The following RASSF3 variants were observed in gnomAD, a reference collection of about 807,000 sequenced individuals.
RASSF3 encodes the protein ras association domain-containing protein 3.
Under a neutral mutation model 19.9 loss-of-function variants are expected in RASSF3, and 19 were observed. That is an observed-to-expected ratio of 0.96 (90% CI 0.67 to 1.40). RASSF3 has a LOEUF of 1.40. Ranked by LOEUF, RASSF3 falls within the 40% of genes most tolerant of loss-of-function variation. The pLI is 0.00. For synonymous variants in RASSF3, 110 were observed against 104.2 expected (o/e 1.06, Z -0.34); for missense variants, 306 against 289.8 (o/e 1.06, Z -0.41).
chr12:64,678,322 G>A (rs748329678), intron 1 of RASSF3, among the ~76,000 whole-genome samples: 17 of 152,212 alleles, frequency 1.1e-4, no homozygotes, highest in Non-Finnish European at 2.1e-4. Flanking sequence ...CAAAAGAGAC[G>A]ATGAGATGAA....
At chr12:64,597,011 C>A in intron 2 of RASSF3, among the ~76,000 whole-genome samples, 1 of 152,188 alleles carries the variant, frequency 6.6e-6, no homozygotes, top group South Asian at 2.1e-4. Context: ...AGGTGATCCA[C>A]CCACTTCGGC....
upstream of RASSF3, chr12:64,609,514 A>G (rs1348168791): frequency 6.6e-6 from 1 of 152,226 alleles, no homozygotes; most frequent in Non-Finnish European, 1.5e-5. Context: ...AAAACCTTTC[A>G]GTCAAGATCT....
At chr12:64,668,272 T>TTCTTCTTCTTC (rs749089590) in intron 1 of RASSF3, among the ~76,000 whole-genome samples, 21 of 126,230 alleles carry the variant, frequency 1.7e-4, no homozygotes, top group South Asian at 6.5e-4. Context: ...CTTCTTCTTC[T>TTCTTCTTCTTC]TTTTTTTTTT....
At chr12:64,655,961 A>T (rs1872143346) in intron 1 of RASSF3, among the ~76,000 whole-genome samples, 1 of 148,842 alleles carries the variant, frequency 6.7e-6, no homozygotes, top group African/African-American at 2.5e-5. Context: ...CAGGAGATGG[A>T]GGTTGCAGTG....
At chr12:64,550,606 G>A (rs11175443) in intron 2 of RASSF3, among the ~76,000 whole-genome samples, 74,333 of 151,538 alleles carry the variant, frequency 0.49, 18,811 homozygotes, top group East Asian at 0.72. Context: ...AGTGAGCCAA[G>A]ATTGTGGCAC....
chr12:64,566,168 T>G (rs139901930), intron 2 of RASSF3, among the ~76,000 whole-genome samples: 1,694 of 152,234 alleles, frequency 0.011, 15 homozygotes, highest in Middle Eastern at 0.041. Flanking sequence ...GCCACTGCAC[T>G]CCAGCCTGGG....
At chr12:64,618,995 T>A (rs1247516156) in intron 1 of RASSF3, among the ~76,000 whole-genome samples, 1 of 152,196 alleles carries the variant, frequency 6.6e-6, no homozygotes, top group Non-Finnish European at 1.5e-5. Context: ...AATGATAATA[T>A]TCGATAATAT....
Position 64,536,731 on chromosome 12 carries a change from G to A in RASSF3, c.67+3397G>A, listed in dbSNP as rs146600901. 4.6e-3 allele frequency among the ~76,000 whole-genome samples: 698 copies of A among 152,290 alleles called. 6 individuals are homozygous for A. The highest frequency in any genetic ancestry group is 0.016 in the African/African-American group (682 of 41,556). On this transcript the variant is annotated intron_variant, in intron 1 of 1. Coordinates refer to the RASSF3 transcript ENST00000636333. ...GATTTCAGTTCTAGTTCCATTTTGGGTAGAAAACAGAAGATGAGCAGGCAG... is the reference window on the plus strand; with the variant it reads ...GATTTCAGTTCTAGTTCCATTTTGGATAGAAAACAGAAGATGAGCAGGCAG...
At chr12:64,568,519 C>T (rs1165230633) in intron 2 of RASSF3, among the ~76,000 whole-genome samples, 1 of 152,164 alleles carries the variant, frequency 6.6e-6, no homozygotes, top group Admixed American at 6.5e-5. Context: ...CCCCAACACA[C>T]CATGTGGCGG....
intron 2 of RASSF3, among the ~76,000 whole-genome samples, chr12:64,577,997 T>C (rs1220636858): frequency 6.6e-6 from 1 of 151,572 alleles, no homozygotes; most frequent in Non-Finnish European, 1.5e-5. Flanking sequence ...GGTGGGCAGA[T>C]TACTTGAGGT....
At chr12:64,541,742 C>T (rs1379038898), downstream of RASSF3, 3 of 398,292 alleles carry the variant, frequency 7.5e-6, no homozygotes, top group Non-Finnish European at 8.9e-6. Flanking sequence ...TCGTGCGTTT[C>T]GGTCACTCCC....
At chr12:64,520,555 CATATATATATATATATAT>C (rs66975333) in intron 1 of RASSF3, among the ~76,000 whole-genome samples, 5,187 of 86,358 alleles carry the variant, frequency 0.06, 363 homozygotes, top group African/African-American at 0.18. Context: ...CACATACACA[CATATATATATATATATAT>C]ATATATATAT....
intron 2 of RASSF3, among the ~76,000 whole-genome samples, chr12:64,564,021 C>T (rs1335813524): frequency 6.6e-6 from 1 of 152,162 alleles, no homozygotes. Context: ...TTCTCAACAA[C>T]GTGTGTGTTA....
intron 1 of RASSF3, chr12:64,628,341 A>G (rs1753098822): frequency 6.6e-6 from 1 of 152,202 alleles, no homozygotes; most frequent in Non-Finnish European, 1.5e-5. Flanking sequence ...GTTCCTCAAA[A>G]CCAGGACAGG....
chr12:64,568,719 T>C (rs1038982549), intron 2 of RASSF3, among the ~76,000 whole-genome samples: 2 of 151,784 alleles, frequency 1.3e-5, no homozygotes, highest in African/African-American at 2.4e-5. Flanking sequence ...AGTTCACTTT[T>C]TTTTTTTTGA....
chr12:64,605,599 C>G (rs1870176757), upstream of RASSF3, among the ~76,000 whole-genome samples: 1 of 151,934 alleles, frequency 6.6e-6, no homozygotes, highest in African/African-American at 2.4e-5. Context: ...TTAAACAAGG[C>G]AGTATCTAGG....
upstream of RASSF3, among the ~76,000 whole-genome samples, chr12:64,609,038 T>G (rs1042666769): frequency 1.3e-5 from 2 of 152,178 alleles, no homozygotes; most frequent in Non-Finnish European, 2.9e-5. Flanking sequence ...GTTTACAAGA[T>G]GGATGTGTAA....
intron 2 of RASSF3, among the ~76,000 whole-genome samples, chr12:64,575,312 G>A (rs769408948): frequency 1.3e-5 from 2 of 152,158 alleles, no homozygotes; most frequent in Non-Finnish European, 2.9e-5. Flanking sequence ...CCAGCGCTTT[G>A]GGAGGCCAAG....
intron 2 of RASSF3, among the ~76,000 whole-genome samples, chr12:64,569,925 A>G (rs1869491302): frequency 6.6e-6 from 1 of 152,228 alleles, no homozygotes; most frequent in South Asian, 2.1e-4. Context: ...AGGCCGTGCC[A>G]CTGCACTCCA....
Sources: gnomAD v4.1 joint callset for allele counts (sites outside exome capture counted in the v4.1 genomes callset) on GRCh38, gnomAD v4.1.1 for gene constraint, MANE v1.5 for transcripts, NCBI Gene and HGNC (gene_info 2026-07-23, HGNC 2026-07-21) for gene names.